The following CNTN4 variants were observed in gnomAD, a reference collection of about 807,000 sequenced individuals.
CNTN4 encodes the protein contactin 4, also known as contactin-4.
CNTN4 carries 77 observed loss-of-function variants against 122.5 expected under a neutral mutation model. That is an observed-to-expected ratio of 0.63 (90% CI 0.52 to 0.76). The LOEUF is 0.76. Ranked by LOEUF, CNTN4 falls within the 30% of genes least tolerant of loss-of-function variation. The probability of loss-of-function intolerance (pLI) is 0.00; values close to 1 mark genes in which losing one functional copy is unlikely to be tolerated. For synonymous variants in CNTN4, 512 were observed against 447.0 expected (o/e 1.15, Z -1.83); for missense variants, 1,256 against 1,259.1 (o/e 1.00, Z 0.04).
chr3:2,649,751 G>A (rs964978695), intron 4 of CNTN4, among the ~76,000 whole-genome samples: 2 of 151,946 alleles, frequency 1.3e-5, no homozygotes, highest in Non-Finnish European at 2.9e-5. Context: ...GGTTATAGCT[G>A]CCATACATAG....
chr3:2,540,865 T>C (rs13058742), intron 3 of CNTN4, among the ~76,000 whole-genome samples: 17,115 of 152,164 alleles, frequency 0.11, 1,262 homozygotes, highest in Non-Finnish European at 0.17. Context: ...AAGGATCAGA[T>C]AGGAAGAAGG....
chr3:2,685,034 C>CT (rs796357579), intron 4 of CNTN4, among the ~76,000 whole-genome samples: 97 of 152,060 alleles, frequency 6.4e-4, no homozygotes, highest in African/African-American at 2.1e-3. Flanking sequence ...TAGCGATTAG[C>CT]TTTTTTTTAC....
chr3:2,809,787 G>A (rs963347477), intron 6 of CNTN4, among the ~76,000 whole-genome samples: 1 of 152,180 alleles, frequency 6.6e-6, no homozygotes, highest in African/African-American at 2.4e-5. Flanking sequence ...TCATGAGTTA[G>A]ATAGGTGTAC....
intron 6 of CNTN4, among the ~76,000 whole-genome samples, chr3:2,761,720 G>C (rs2090601050): frequency 6.6e-6 from 1 of 152,108 alleles, no homozygotes; most frequent in Non-Finnish European, 1.5e-5. Flanking sequence ...TTCAAACACA[G>C]TTGGCAGTTG....
chr3:2,431,835 C>G (rs1221834833), intron 3 of CNTN4, among the ~76,000 whole-genome samples: 4 of 152,038 alleles, frequency 2.6e-5, no homozygotes, highest in Non-Finnish European at 5.9e-5. Flanking sequence ...ACAACTGGAG[C>G]CTGAATCAAG....
At chr3:2,839,749 C>G (rs958532196) in intron 7 of CNTN4, among the ~76,000 whole-genome samples, 1 of 152,138 alleles carries the variant, frequency 6.6e-6, no homozygotes, top group Admixed American at 6.5e-5. Context: ...TTAGGGTCAA[C>G]TAGACAATCA....
chr3:2,921,015 G>A (rs866604910), intron 12 of CNTN4, among the ~76,000 whole-genome samples: 8 of 152,132 alleles, frequency 5.3e-5, no homozygotes, highest in African/African-American at 1.9e-4. Flanking sequence ...GAGTCTCCTT[G>A]TGAATATCAT....
intron 6 of CNTN4, among the ~76,000 whole-genome samples, chr3:2,788,807 C>T (rs1350562430): frequency 6.6e-6 from 1 of 152,144 alleles, no homozygotes; most frequent in African/African-American, 2.4e-5. Flanking sequence ...TGCTGACACC[C>T]CAGGGCCTGC....
chr3:2,804,335 C>A (rs2092415969), intron 6 of CNTN4, among the ~76,000 whole-genome samples: 1 of 152,080 alleles, frequency 6.6e-6, no homozygotes, highest in African/African-American at 2.4e-5. Flanking sequence ...GAGGAAAAAC[C>A]ATCAGGTTAT....
rs957817012 is a variant in CNTN4 at position 2,993,892 on chromosome 3, C to T, written c.1486+5420C>T. ...GTTTTCTTTCCCAGGACCTTAGCCTCACCCCAGTATCCAAACAGTTGACTT... is the reference window on the plus strand; with the variant it reads ...GTTTTCTTTCCCAGGACCTTAGCCTTACCCCAGTATCCAAACAGTTGACTT... On this transcript the variant is annotated intron_variant, in intron 14 of 24. Transcript: ENST00000418658. Among the ~76,000 whole-genome samples, 3 of 152,280 alleles carry T rather than the reference C, an allele frequency of 2.0e-5. No individual in the cohort carries two copies. The East Asian group carries it at 5.8e-4, about 29-fold the overall frequency.
At chr3:2,160,600 G>T (rs1468183936) in intron 2 of CNTN4, among the ~76,000 whole-genome samples, 2 of 152,144 alleles carry the variant, frequency 1.3e-5, no homozygotes, top group Admixed American at 1.3e-4. Flanking sequence ...AGTTGTTACT[G>T]TTATTGCTGC....
chr3:2,256,300 T>C (rs1189395826), intron 2 of CNTN4, among the ~76,000 whole-genome samples: 1 of 152,130 alleles, frequency 6.6e-6, no homozygotes, highest in Non-Finnish European at 1.5e-5. Context: ...CACTAATTAA[T>C]AGTCTACCAA....
At chr3:2,657,657 G>T (rs955916052) in intron 4 of CNTN4, among the ~76,000 whole-genome samples, 1 of 152,130 alleles carries the variant, frequency 6.6e-6, no homozygotes, top group Admixed American at 6.5e-5. Context: ...CAGTTTCTCA[G>T]ATGGGTGAGT....
chr3:2,538,410 T>C (rs2077896002), intron 3 of CNTN4, among the ~76,000 whole-genome samples: 2 of 152,134 alleles, frequency 1.3e-5, no homozygotes, highest in South Asian at 4.1e-4. Context: ...TCATAAACTA[T>C]TCTTTATCTA....
At chr3:3,012,078 G>A (rs1280402105) in intron 14 of CNTN4, among the ~76,000 whole-genome samples, 2 of 152,096 alleles carry the variant, frequency 1.3e-5, no homozygotes, top group African/African-American at 4.8e-5. Context: ...GCTAAAATTT[G>A]CATCCAGATT....
At chr3:2,350,661 CTCTT>C (rs1465546169) in intron 3 of CNTN4, among the ~76,000 whole-genome samples, 1 of 152,148 alleles carries the variant, frequency 6.6e-6, no homozygotes, top group Non-Finnish European at 1.5e-5. Flanking sequence ...CTTGTAATGT[CTCTT>C]CATTAAGTTT....
intron 2 of CNTN4, among the ~76,000 whole-genome samples, chr3:2,259,684 C>A (rs189210952): frequency 9.1e-4 from 139 of 152,254 alleles, no homozygotes; most frequent in African/African-American, 3.1e-3. Context: ...ACCACGAGAA[C>A]AGTATGGGGC....
chr3:2,562,314 A>G (rs2078990928), intron 3 of CNTN4, among the ~76,000 whole-genome samples: 1 of 152,040 alleles, frequency 6.6e-6, no homozygotes, highest in South Asian at 2.1e-4. Context: ...TAGGAGGACA[A>G]ATGACCCTAT....
intron 3 of CNTN4, among the ~76,000 whole-genome samples, chr3:2,367,058 T>C (rs1465147211): frequency 6.6e-6 from 1 of 152,154 alleles, no homozygotes; most frequent in Non-Finnish European, 1.5e-5. Flanking sequence ...CTTCATTTTC[T>C]AATATTTATT....
Sources: gnomAD v4.1 joint callset for allele counts (sites outside exome capture counted in the v4.1 genomes callset) on GRCh38, gnomAD v4.1.1 for gene constraint, MANE v1.5 for transcripts, NCBI Gene and HGNC (gene_info 2026-07-23, HGNC 2026-07-21) for gene names.